TCEA3: variants seen among roughly 807,000 people sequenced by gnomAD.
The protein encoded by TCEA3 is transcription elongation factor A protein 3.
TCEA3 carries 36 observed loss-of-function variants against 44.0 expected under a neutral mutation model. That is an observed-to-expected ratio of 0.82 (90% confidence interval 0.63 to 1.08). The LOEUF is 1.08. Among genes scored for constraint, TCEA3 ranks in the 50% least tolerant of loss-of-function variants. The pLI, the probability that TCEA3 is intolerant of heterozygous loss-of-function variation, is 0.00. For synonymous variants in TCEA3, 162 were observed against 159.7 expected (o/e 1.01, Z -0.11); for missense variants, 392 against 441.2 (o/e 0.89, Z 1.00).
intron 8 of TCEA3, among the ~76,000 whole-genome samples, chr1:23,388,392 T>A (rs1288019775): frequency 1.3e-5 from 2 of 151,864 alleles, no homozygotes; most frequent in African/African-American, 4.8e-5. Context: ...GAGACGGGGT[T>A]TCACCATATT....
In TCEA3 at chr1:23,422,450, C is replaced by G. The variant is rs115127781; in HGVS notation, c.69+2115G>C. On this transcript the variant is annotated intron_variant, in intron 1 of 10. Coordinates refer to ENST00000450454, the MANE Select transcript of TCEA3 (RefSeq NM_003196.3). ...TGCATGCTCAGAGGATGTGACAAAG[C>G]CTTAAGTGGCTGAGACTTCAGCAAC... 4.9e-3 allele frequency among the ~76,000 whole-genome samples: 743 copies of G among 152,262 alleles called. 4 individuals are homozygous for G. Among genetic ancestry groups the G allele is most frequent in the African/African-American group, 0.017 (707 of 41,542 alleles).
chr1:23,394,918 C>T (rs888584823), intron 7 of TCEA3, among the ~76,000 whole-genome samples: 3 of 152,226 alleles, frequency 2.0e-5, no homozygotes, highest in Admixed American at 1.3e-4. Flanking sequence ...GGCAGGCTTC[C>T]GAGCCTCCCA....
chr1:23,398,656 G>C (rs1188244443), intron 5 of TCEA3, among the ~76,000 whole-genome samples: 1 of 152,164 alleles, frequency 6.6e-6, no homozygotes, highest in Non-Finnish European at 1.5e-5. Flanking sequence ...TTTAAGACGA[G>C]GAAATAAACC....
intron 4 of TCEA3, among the ~76,000 whole-genome samples, chr1:23,409,855 C>T (rs1251527862): frequency 1.3e-5 from 2 of 151,984 alleles, no homozygotes; most frequent in African/African-American, 4.8e-5. Context: ...GGCCAATTTA[C>T]TTATTTATAT....
chr1:23,387,230 T>C lies in TCEA3; in HGVS notation c.966+43A>G, dbSNP rs369651561. 5.0e-6 allele frequency: 8 copies of C among 1,604,482 alleles called. No individual in the cohort carries two copies. In the African/African-American group the frequency reaches 9.4e-5, roughly 19 times the overall value. On this transcript the variant is annotated intron_variant, in intron 9 of 10. Transcript: ENST00000450454. ...CTCTGATTTTCCACCTCTATGCCCC[T>C]GCGGCCTCCTGCACCTCCGGCCCGT...
At chr1:23,393,626 T>C (rs1012419593) in intron 8 of TCEA3, among the ~76,000 whole-genome samples, 1 of 152,250 alleles carries the variant, frequency 6.6e-6, no homozygotes, top group African/African-American at 2.4e-5. Flanking sequence ...ATGGGGATAA[T>C]ACACCTTTCT....
At position 23,402,375 on chromosome 1, in the gene TCEA3, C is replaced by T. The variant is rs140656253; in HGVS notation, c.444-4420G>A. Among the ~76,000 whole-genome samples, 86 of 152,258 alleles carry T rather than the reference C, an allele frequency of 5.6e-4. 1 individual carries two copies. The highest frequency in any genetic ancestry group is 2.0e-3 in the African/African-American group (83 of 41,564). ...AACAAAAACAAAACCAAAAGCTCAC[C>T]ACAGCCTCCCAGCCCCTGCACGTCC... On this transcript the variant is annotated intron_variant, in intron 5 of 10. Transcript: ENST00000450454.
chr1:23,409,283 A>G (rs1212964710), intron 4 of TCEA3, among the ~76,000 whole-genome samples: 3 of 152,238 alleles, frequency 2.0e-5, no homozygotes, highest in Non-Finnish European at 4.4e-5. Flanking sequence ...AAACCAATGC[A>G]TAGGAGGAAA....
intron 5 of TCEA3, among the ~76,000 whole-genome samples, chr1:23,400,002 A>C (rs1224632437): frequency 1.3e-5 from 2 of 152,076 alleles, no homozygotes; most frequent in Non-Finnish European, 2.9e-5. Context: ...GGCAGAAATG[A>C]TGGAAGTGTA....
At chr1:23,422,850 G>A (rs1450625314) in intron 1 of TCEA3, among the ~76,000 whole-genome samples, 1 of 152,192 alleles carries the variant, frequency 6.6e-6, no homozygotes, top group African/African-American at 2.4e-5. Flanking sequence ...GCCATAAAAG[G>A]AGTGAGGGGG....
intron 5 of TCEA3, among the ~76,000 whole-genome samples, chr1:23,399,985 C>T (rs1639350594): frequency 6.6e-6 from 1 of 151,954 alleles, no homozygotes; most frequent in Non-Finnish European, 1.5e-5. Flanking sequence ...CAAAAAAATG[C>T]ATTCTTGGCA....
At chr1:23,384,186 A>G in intron 10 of TCEA3, 160 bp downstream of exon 10, 1 of 1,479,874 alleles carries the variant, frequency 6.8e-7, no homozygotes, top group South Asian at 1.4e-5. Context: ...CCACCTCCCC[A>G]ACAGCAATCC....
chr1:23,408,356 C>T (rs1364244467), intron 5 of TCEA3, among the ~76,000 whole-genome samples: 3 of 152,140 alleles, frequency 2.0e-5, no homozygotes, highest in Non-Finnish European at 4.4e-5. Context: ...AACCAGTCAG[C>T]CACCCCAGGG....
intron 7 of TCEA3, among the ~76,000 whole-genome samples, chr1:23,395,962 G>A (rs1452887764): frequency 6.6e-6 from 1 of 152,166 alleles, no homozygotes; most frequent in East Asian, 1.9e-4. Context: ...GACTGTTCAG[G>A]AGAAAATGAA....
chr1:23,391,921 CA>C (rs1158796322), intron 8 of TCEA3, among the ~76,000 whole-genome samples: 1 of 150,814 alleles, frequency 6.6e-6, no homozygotes, highest in Non-Finnish European at 1.5e-5. Context: ...GACTCCATCT[CA>C]AAAAAACAAG....
chr1:23,385,271 G>A (rs1638799885), intron 9 of TCEA3, among the ~76,000 whole-genome samples: 1 of 152,188 alleles, frequency 6.6e-6, no homozygotes, highest in Non-Finnish European at 1.5e-5. Flanking sequence ...GGGAATCTGT[G>A]GTGTGGGACG....
intron 4 of TCEA3, among the ~76,000 whole-genome samples, chr1:23,410,097 A>G (rs1474750033): frequency 6.6e-6 from 1 of 151,740 alleles, no homozygotes; most frequent in Non-Finnish European, 1.5e-5. Context: ...CTAATTAATG[A>G]CCCCAGGAAC....
intron 5 of TCEA3, among the ~76,000 whole-genome samples, chr1:23,400,988 C>T (rs997965802): frequency 1.3e-5 from 2 of 152,202 alleles, no homozygotes; most frequent in Non-Finnish European, 2.9e-5. Context: ...CTGACAAAGT[C>T]TCTCAGGCCC....
At chr1:23,410,996 A>G (rs1471833531) in intron 4 of TCEA3, 1 of 203,760 alleles carries the variant, frequency 4.9e-6, no homozygotes, top group Non-Finnish European at 1.1e-5. Context: ...CTCCAGCACA[A>G]TATTTTCTCT....
Sources: gnomAD v4.1 joint callset for allele counts (sites outside exome capture counted in the v4.1 genomes callset) on GRCh38, gnomAD v4.1.1 for gene constraint, MANE v1.5 for transcripts, NCBI Gene and HGNC (gene_info 2026-07-23, HGNC 2026-07-21) for gene names.